Variants in JAKMIP2 observed in about 807,000 individuals in gnomAD.
JAKMIP2 encodes janus kinase and microtubule-interacting protein 2.
In JAKMIP2, 25 loss-of-function variants were observed where a neutral mutation model predicts 115.0. The ratio of observed to expected loss-of-function variants is 0.22; its 90% CI spans 0.16 to 0.30. The LOEUF (loss-of-function observed/expected upper bound fraction) is 0.30, where lower values mean the gene tolerates loss of function less well. Ranked by LOEUF, JAKMIP2 falls within the 10% of genes least tolerant of loss-of-function variation. The probability of loss-of-function intolerance (pLI) is 1.00; values close to 1 mark genes in which losing one functional copy is unlikely to be tolerated. For missense variants in JAKMIP2, 642 were observed against 957.6 expected, an observed-to-expected ratio of 0.67 and a Z score of 4.35; for synonymous variants, 334 against 343.6, an observed-to-expected ratio of 0.97 and a Z score of 0.31.
At position 147,681,578 on chromosome 5, in the gene JAKMIP2, A is replaced by C. The variant is rs528642636; in HGVS notation, c.-148-9624T>G. Among the ~76,000 whole-genome samples the C allele has an allele frequency of 7.2e-5, 11 of 152,282 alleles. No individual in the cohort carries two copies. In the South Asian group the frequency reaches 2.1e-3, roughly 29 times the overall value. On this transcript the variant is annotated intron_variant, in intron 1 of 21. Coordinates refer to ENST00000616793, the MANE Select transcript of JAKMIP2 (RefSeq NM_001270941.2). ...CAATTTATTAACTCACTAAAATACA[A>C]ATATTCATGAAGTGCCTGGTGGAGG...
intron 16 of JAKMIP2, 22 bp from the exon 17 acceptor site, chr5:147,623,711 A>C (rs1298347780): frequency 6.5e-7 from 1 of 1,548,902 alleles, no homozygotes; most frequent in South Asian, 1.1e-5. Context: ...ACAAGACAAA[A>C]GTGTTTGACA....
chr5:147,771,593 G>A (rs7719181), intron 1 of JAKMIP2, among the ~76,000 whole-genome samples: 52,256 of 151,774 alleles, frequency 0.34, 10,912 homozygotes, highest in African/African-American at 0.58. Context: ...AGAAGAAAGG[G>A]AGGATTAAAT....
At chr5:147,713,364 C>G (rs1023389194) in intron 1 of JAKMIP2, among the ~76,000 whole-genome samples, 32 of 152,038 alleles carry the variant, frequency 2.1e-4, no homozygotes, top group African/African-American at 7.7e-4. Context: ...ACAATAAAAG[C>G]TAAACTTTAT....
chr5:147,733,407 C>T (rs948894504), intron 1 of JAKMIP2, among the ~76,000 whole-genome samples: 9 of 152,150 alleles, frequency 5.9e-5, no homozygotes, highest in African/African-American at 2.2e-4. Context: ...ACTTTGCTCC[C>T]TATGCCTTCT....
intron 1 of JAKMIP2, among the ~76,000 whole-genome samples, chr5:147,779,644 TG>T (rs2127095762): frequency 6.6e-6 from 1 of 152,260 alleles, no homozygotes; most frequent in East Asian, 1.9e-4. Flanking sequence ...TCTAAGAAGA[TG>T]ATCAGCTGAT....
intron 1 of JAKMIP2, among the ~76,000 whole-genome samples, chr5:147,745,686 GAGATTAA>G (rs1276606527): frequency 2.0e-5 from 3 of 152,124 alleles, no homozygotes; most frequent in East Asian, 3.8e-4. Context: ...TATTTCTTGG[GAGATTAA>G]AGATTAAAGA....
intron 21 of JAKMIP2, among the ~76,000 whole-genome samples, chr5:147,594,766 C>T (rs186844007): frequency 1.3e-5 from 2 of 152,134 alleles, no homozygotes; most frequent in Non-Finnish European, 2.9e-5. Flanking sequence ...CCACTCCTCA[C>T]CCTTTATATG....
At position 147,587,844 on chromosome 5, in the gene JAKMIP2, C is replaced by T. The variant is rs978849846; in HGVS notation, c.*3863G>A. On this transcript the variant is annotated 3_prime_UTR_variant, in exon 22 of 22. Coordinates refer to ENST00000616793, the MANE Select transcript of JAKMIP2 (RefSeq NM_001270941.2). ...TTTCTCCTATTACTAGTGGAGAACA[C>T]ATTTGCTCTCTACCTAAGTGATAAC... The T allele has an allele frequency of 6.6e-6, 1 of 151,798 alleles. No individual in the cohort carries two copies. Among genetic ancestry groups the T allele is most frequent in the African/African-American group, 2.4e-5 (1 of 41,300 alleles). The allele number at this position is 151,798 out of a possible 1,614,324, so 9.4% of individuals were successfully genotyped here.
chr5:147,648,359 T>C lies in JAKMIP2; in HGVS notation c.936+17A>G, dbSNP rs762727566. On this transcript the variant is annotated intron_variant, in intron 5 of 21. Coordinates refer to ENST00000616793, the MANE Select transcript of JAKMIP2 (RefSeq NM_001270941.2). ...TGCTTAACAACAACATCAACAAAAA[T>C]TTTTAGTATATCTCACCAGTTCATT... The C allele has an allele frequency of 6.9e-7, 1 of 1,448,354 alleles. No individual in the cohort carries two copies. The highest frequency in any genetic ancestry group is 1.2e-5 in the South Asian group (1 of 86,406). 89.7% of individuals were successfully genotyped at this position (1,448,354 alleles called of 1,614,324 possible).
Position 147,671,926 on chromosome 5 carries a change from AGGTCTCCTCAATC to A in JAKMIP2, c.-133_-121del. On this transcript the variant is annotated 5_prime_UTR_variant, in exon 2 of 22. It introduces an in-frame stop codon into an upstream open reading frame of the 5' UTR. Coordinates refer to ENST00000616793, the MANE Select transcript of JAKMIP2 (RefSeq NM_001270941.2). ...ATCTACTGTGTGGTGCTCCTTGGTA[AGGTCTCCTCAATC>A]GCTGCCCTGGAAGCCCTGAGAAGAG... is the stretch of plus-strand genomic sequence containing the variant. 1 of 1,341,204 alleles carries A rather than the reference AGGTCTCCTCAATC, an allele frequency of 7.5e-7. No individual in the cohort carries two copies. Among genetic ancestry groups the A allele is most frequent in the Non-Finnish European group, 9.6e-7 (1 of 1,039,506 alleles). The allele number at this position is 1,341,204 out of a possible 1,614,324, so 83.1% of individuals were successfully genotyped here. A position where few individuals can be genotyped will look rare whatever the true frequency, so the allele number is the denominator to read the frequency against.
chr5:147,692,594 C>A (rs1006564899), intron 1 of JAKMIP2, among the ~76,000 whole-genome samples: 5 of 152,104 alleles, frequency 3.3e-5, no homozygotes, highest in Non-Finnish European at 7.4e-5. Context: ...AAATGAAAGA[C>A]TTGTGAAAGT....
At chr5:147,653,389 TA>T (rs1246805157) in intron 3 of JAKMIP2, among the ~76,000 whole-genome samples, 2 of 152,160 alleles carry the variant, frequency 1.3e-5, no homozygotes, top group African/African-American at 4.8e-5. Context: ...CTTGACTTTT[TA>T]ATAATTGCCA....
chr5:147,604,931 CCGT>C (rs1755916199), intron 20 of JAKMIP2, among the ~76,000 whole-genome samples: 1 of 151,384 alleles, frequency 6.6e-6, no homozygotes, highest in African/African-American at 2.4e-5. Context: ...ACCCATCAAC[CCGT>C]CATCTACATT....
chr5:147,757,459 C>T (rs1754788229), intron 1 of JAKMIP2, among the ~76,000 whole-genome samples: 1 of 152,004 alleles, frequency 6.6e-6, no homozygotes, highest in Non-Finnish European at 1.5e-5. Flanking sequence ...GAAGTAATAG[C>T]TTTCATGAAA....
intron 1 of JAKMIP2, among the ~76,000 whole-genome samples, chr5:147,690,118 G>A (rs990211600): frequency 6.6e-6 from 1 of 152,132 alleles, no homozygotes; most frequent in African/African-American, 2.4e-5. Flanking sequence ...TGGAGGCTGA[G>A]GCGAGGGGAT....
intron 16 of JAKMIP2, among the ~76,000 whole-genome samples, chr5:147,626,440 G>T (rs1443720737): frequency 6.6e-6 from 1 of 152,214 alleles, no homozygotes; most frequent in Non-Finnish European, 1.5e-5. Flanking sequence ...ACAGGAGGAG[G>T]AGTTTGGTGC....
chr5:147,766,290 A>G (rs1215807019), intron 1 of JAKMIP2, among the ~76,000 whole-genome samples: 1 of 152,170 alleles, frequency 6.6e-6, no homozygotes, highest in Admixed American at 6.6e-5. Context: ...ACATGCCTAC[A>G]TATCTGAAGG....
intron 17 of JAKMIP2, among the ~76,000 whole-genome samples, chr5:147,622,014 T>C (rs1756875099): frequency 6.6e-6 from 1 of 152,138 alleles, no homozygotes; most frequent in Non-Finnish European, 1.5e-5. Flanking sequence ...ATTACAGGCA[T>C]GTGCCACCGC....
intron 19 of JAKMIP2, among the ~76,000 whole-genome samples, chr5:147,613,282 A>G (rs1347179982): frequency 6.6e-6 from 1 of 152,188 alleles, no homozygotes; most frequent in Non-Finnish European, 1.5e-5. Context: ...ATACCTCTGT[A>G]GGGAATAATT....
Sources: allele counts gnomAD v4.1 joint callset (sites outside exome capture counted in the v4.1 genomes callset), GRCh38; gene constraint gnomAD v4.1.1; transcripts MANE v1.5; gene names NCBI Gene and HGNC (gene_info 2026-07-23, HGNC 2026-07-21).